The following ZNF76 variants were observed in gnomAD, a reference collection of about 807,000 sequenced individuals.
ZNF76 encodes zinc finger protein 76, also known as zinc finger protein 523.
ZNF76 carries 66 observed loss-of-function variants against 66.9 expected under a neutral mutation model. The ratio of observed to expected loss-of-function variants is 0.99; its 90% CI spans 0.81 to 1.21. ZNF76 has a LOEUF of 1.21. Ranked by LOEUF, ZNF76 falls within the 50% of genes most tolerant of loss-of-function variation. The pLI, the probability that ZNF76 is intolerant of heterozygous loss-of-function variation, is 0.00. For missense variants in ZNF76, 729 were observed against 760.3 expected (o/e 0.96, Z 0.48); for synonymous variants, 275 against 296.1 (o/e 0.93, Z 0.73).
chr6:35,292,561 G>A lies in ZNF76; in HGVS notation c.939G>A (p.Lys313=), dbSNP rs906673519. 2 of 1,612,804 alleles carry A rather than the reference G, an allele frequency of 1.2e-6. No individual in the cohort carries two copies. Among genetic ancestry groups the A allele is most frequent in the African/African-American group, 2.7e-5 (2 of 74,796 alleles). ...KNHVRIHTGE[K]PYVCTVPGCG... is the part of the protein sequence containing the mutation. ...ACAGCCCAGTGTCCCCAGGGGAGAA[G>A]CCATACGTTTGCACGGTGCCAGGCT... The change falls in exon 10 of 14, where the codon AAG becomes AAA. Residue 313 remains lysine, a synonymous_variant. Transcript: ENST00000373953. The surrounding 1 kb of genome is among the most constrained non-coding windows in gnomAD (Gnocchi z 4.7).
At chr6:35,289,390 G>A (rs1790057139) in intron 5 of ZNF76, among the ~76,000 whole-genome samples, 1 of 152,178 alleles carries the variant, frequency 6.6e-6, no homozygotes, top group African/African-American at 2.4e-5. Context: ...GAGCCTCTGA[G>A]CTGGAGCCTA....
At position 35,292,902 on chromosome 6, in the gene ZNF76, G is replaced by A; in HGVS notation, c.1187G>A (p.Ser396Asn). Reference protein sequence around the residue: ...QLEAASAAEESPPPKRPRIAY... With the variant: ...QLEAASAAEENPPPKRPRIAY... ...CCAGCCGCCTCTGCAGCCGAGGAGAGTCCGCCACCCAAACGACCCCGGATA... is the reference window on the plus strand; with the variant it reads ...CCAGCCGCCTCTGCAGCCGAGGAGAATCCGCCACCCAAACGACCCCGGATA... The change falls in exon 11 of 14, where the codon AGT (serine) becomes AAT (asparagine). Residue 396 changes from serine (S) to asparagine (N), a missense_variant. Physicochemically the swap from Ser to Asn is conservative, Grantham distance 46 (BLOSUM62 1). Coordinates refer to ENST00000373953, the MANE Select transcript of ZNF76 (RefSeq NM_003427.5). This position sits in a 1 kb window ranked among gnomAD's most constrained non-coding sequence, Gnocchi z 4.7. 1 of 1,614,202 alleles carries A rather than the reference G, an allele frequency of 6.2e-7. No individual in the cohort carries two copies. The highest frequency in any genetic ancestry group is 8.5e-7 in the Non-Finnish European group (1 of 1,180,042).
chr6:35,295,892 G>A lies in ZNF76; in HGVS notation c.*644G>A, dbSNP rs1000359561. 1 of 149,606 alleles carries A rather than the reference G, an allele frequency of 6.7e-6. No individual in the cohort carries two copies. Among genetic ancestry groups the A allele is most frequent in the East Asian group, 1.9e-4 (1 of 5,192 alleles). The allele number at this position is 149,606 out of a possible 1,614,324, so 9.3% of individuals were successfully genotyped here. A position where few individuals can be genotyped will look rare whatever the true frequency, so the allele number is the denominator to read the frequency against. On this transcript the variant is annotated 3_prime_UTR_variant, in exon 14 of 14. Coordinates refer to ENST00000373953, the MANE Select transcript of ZNF76 (RefSeq NM_003427.5). The stretch of plus-strand genomic sequence containing the variant: ...CTGGGGATTGGGTTTGATTTGTTTT[G>A]TTTTTTTTAATTCCATTTTGATAAT...
intron 1 of ZNF76, among the ~76,000 whole-genome samples, chr6:35,278,609 G>A (rs1788284558): frequency 6.6e-6 from 1 of 152,362 alleles, no homozygotes; most frequent in East Asian, 1.9e-4. Flanking sequence ...ATATCGGTTG[G>A]TAAGTCGTGA....
intron 1 of ZNF76, among the ~76,000 whole-genome samples, chr6:35,262,402 A>G (rs1785387995): frequency 6.6e-6 from 1 of 152,186 alleles, no homozygotes; most frequent in South Asian, 2.1e-4. Flanking sequence ...ATTTTGGAGT[A>G]GTGTCTTGAA....
At chr6:35,294,801 C>T (rs1217949098) in intron 13 of ZNF76, 5 of 590,094 alleles carry the variant, frequency 8.5e-6, no homozygotes, top group Non-Finnish European at 1.2e-5. Flanking sequence ...TGGCAGTCCA[C>T]CTGTGGTCCA....
At position 35,290,937 on chromosome 6, in the gene ZNF76, C is replaced by T. The variant is rs1790292877; in HGVS notation, c.625+221C>T. The stretch of plus-strand genomic sequence containing the variant: ...GAGCCTGGAGGGTTGGTGGAGAGAC[C>T]CAGCCTCTTGTGTCAGCTCTGATGC... On this transcript the variant is annotated intron_variant, in intron 7 of 13. Coordinates refer to ENST00000373953, the MANE Select transcript of ZNF76 (RefSeq NM_003427.5). 1.2e-5 allele frequency: 7 copies of T among 605,006 alleles called. No individual in the cohort carries two copies. The South Asian group carries it at 1.4e-4, about 12-fold the overall frequency. 37.5% of individuals were successfully genotyped at this position (605,006 alleles called of 1,614,324 possible).
At chr6:35,291,153 T>G (rs1582183720) in intron 7 of ZNF76, 125 bp from the exon 8 acceptor site, 1 of 1,306,890 alleles carries the variant, frequency 7.7e-7, no homozygotes, top group Non-Finnish European at 1.0e-6. Flanking sequence ...AGGGCAGGGG[T>G]GGGATAGAGG....
chr6:35,279,917 A>C (rs1220647860), intron 1 of ZNF76: 3 of 152,072 alleles, frequency 2.0e-5, no homozygotes, highest in Admixed American at 2.0e-4. Context: ...CTGCAGTTTC[A>C]AATTCCTGGG....
chr6:35,267,671 C>T (rs1419679368), intron 1 of ZNF76, among the ~76,000 whole-genome samples: 4 of 152,126 alleles, frequency 2.6e-5, no homozygotes. Context: ...CAGGGAGCAC[C>T]GCAGACAACC....
intron 1 of ZNF76, among the ~76,000 whole-genome samples, chr6:35,278,296 G>A (rs1414769635): frequency 6.6e-6 from 1 of 152,150 alleles, no homozygotes; most frequent in Admixed American, 6.6e-5. Context: ...AGCCTCCCAA[G>A]TAGCTGGGAT....
At chr6:35,273,954 T>C (rs1375770502) in intron 1 of ZNF76, among the ~76,000 whole-genome samples, 1 of 152,220 alleles carries the variant, frequency 6.6e-6, no homozygotes, top group Non-Finnish European at 1.5e-5. Flanking sequence ...TTTGTGTTAC[T>C]AATTTCCTGT....
chr6:35,288,397 C>T, intron 5 of ZNF76: 1 of 349,380 alleles, frequency 2.9e-6, no homozygotes, highest in Non-Finnish European at 5.6e-6. Context: ...AGGGTCCTGG[C>T]TCTGCAAATA....
At chr6:35,276,661 A>C (rs1038524586) in intron 1 of ZNF76, among the ~76,000 whole-genome samples, 1 of 152,226 alleles carries the variant, frequency 6.6e-6, no homozygotes, top group African/African-American at 2.4e-5. Flanking sequence ...AGTTGTGCTC[A>C]GTTAAACCAT....
rs35149897 is a variant in ZNF76 at position 35,273,722 on chromosome 6, C to CAA, written c.-96-7319_-96-7318dup. On this transcript the variant is annotated intron_variant, in intron 1 of 13. Coordinates refer to ENST00000373953, the MANE Select transcript of ZNF76 (RefSeq NM_003427.5). ...CTTGAACCCGGGAGACTCCATCTCA[C>CAA]AAAAAAAAAAAAAAAAGAAATGGGG... Among the ~76,000 whole-genome samples, 613 of 130,020 alleles carry CAA rather than the reference C, an allele frequency of 4.7e-3. 2 individuals carry two copies. Among genetic ancestry groups the CAA allele is most frequent in the Admixed American group, 6.9e-3 (90 of 13,052 alleles). The allele number at this position is 130,020 out of a possible 152,430, so 85.3% of individuals were successfully genotyped here.
intron 2 of ZNF76, among the ~76,000 whole-genome samples, chr6:35,284,991 A>G (rs1789339966): frequency 6.6e-6 from 1 of 152,248 alleles, no homozygotes; most frequent in South Asian, 2.1e-4. Flanking sequence ...GATTATAGGC[A>G]TGAGCCACCG....
chr6:35,273,370 G>A (rs988708201), intron 1 of ZNF76, among the ~76,000 whole-genome samples: 10 of 150,130 alleles, frequency 6.7e-5, no homozygotes, highest in Non-Finnish European at 1.5e-4. Flanking sequence ...ATGGGGTTTC[G>A]CCATGTTGGC....
intron 13 of ZNF76, chr6:35,294,873 G>A: frequency 1.7e-6 from 1 of 572,266 alleles, no homozygotes; most frequent in Non-Finnish European, 3.1e-6. Context: ...TGACGTAGAT[G>A]ATCACCACGG....
Position 35,292,663 on chromosome 6 carries a change from C to T in ZNF76, c.1041C>T (p.Cys347=). The T allele has an allele frequency of 5.0e-6, 8 of 1,614,172 alleles. No homozygotes were observed. The highest frequency in any genetic ancestry group is 6.8e-6 in the Non-Finnish European group (8 of 1,180,040). The change falls in exon 10 of 14, where the codon TGC becomes TGT. Residue 347 remains cysteine, a synonymous_variant. Coordinates refer to ENST00000373953, the MANE Select transcript of ZNF76 (RefSeq NM_003427.5). This position sits in a 1 kb window ranked among gnomAD's most constrained non-coding sequence, Gnocchi z 4.7. ...ACACACACTGCAAGCCCTACACCTG[C>T]AGCACCTGCGGCAAGACCTACCGGC... ...VVHTHCKPYT[C]STCGKTYRQT...
Sources: gnomAD v4.1 joint callset for allele counts (sites outside exome capture counted in the v4.1 genomes callset) on GRCh38, gnomAD v4.1.1 for gene constraint, Gnocchi (gnomAD v3.1) non-coding constraint, MANE v1.5 for transcripts, NCBI Gene and HGNC (gene_info 2026-07-23, HGNC 2026-07-21) for gene names.